The following KCNN1 variants were observed in gnomAD, a reference collection of about 807,000 sequenced individuals.
The protein encoded by KCNN1 is small conductance calcium-activated potassium channel protein 1.
Under a neutral mutation model 44.7 loss-of-function variants are expected in KCNN1, and 20 were observed. That is an observed-to-expected ratio of 0.45 (90% CI 0.32 to 0.65). The LOEUF is 0.65. Among genes scored for constraint, KCNN1 ranks in the 30% least tolerant of loss-of-function variants. The probability of loss-of-function intolerance (pLI) is 0.05; values close to 1 mark genes in which losing one functional copy is unlikely to be tolerated. For synonymous variants in KCNN1, 324 were observed against 341.7 expected (o/e 0.95, Z 0.57); for missense variants, 632 against 785.3 (o/e 0.80, Z 2.33).
At chr19:17,965,397 G>A (rs2031776634), upstream of KCNN1, among the ~76,000 whole-genome samples, 2 of 152,178 alleles carry the variant, frequency 1.3e-5, no homozygotes. Flanking sequence ...GGGTTGAGCT[G>A]TCAGGGGCCA....
chr19:17,996,622 A>G (rs2033002680), intron 9 of KCNN1, among the ~76,000 whole-genome samples: 3 of 152,194 alleles, frequency 2.0e-5, no homozygotes, highest in Non-Finnish European at 2.9e-5. Context: ...TAAAAATAAA[A>G]ATAAAAATTT....
rs768255505 is a variant in KCNN1 at position 17,974,120 on chromosome 19, G to A, written c.232G>A (p.Gly78Ser). The change falls in exon 2 of 10, where the codon GGC becomes AGC. Residue 78 changes from glycine (G) to serine (S), a missense_variant. By Grantham distance (56) the Gly-to-Ser change is moderately conservative. This residue lies in a region of KCNN1 where 235 missense variants were observed against 224.0 expected (regional missense o/e 1.05). Coordinates refer to ENST00000684775, the MANE Select transcript of KCNN1 (RefSeq NM_001386974.1). This position sits in a 1 kb window ranked among gnomAD's most constrained non-coding sequence, Gnocchi z 7.3. ...DDEDDEEDEA[G>S]RQRASGKPSN... ...CGAGGATGATGAGGAAGATGAGGCC[G>A]GCAGGCAGAGAGCCTCGGGGAAACC... The A allele has an allele frequency of 2.4e-5, 39 of 1,612,668 alleles. No homozygotes were observed. The highest frequency in any genetic ancestry group is 1.6e-4 in the Middle Eastern group (1 of 6,082).
At position 17,989,853 on chromosome 19, in the gene KCNN1, G is replaced by C; in HGVS notation, c.1298+10G>C. 6.2e-7 allele frequency: 1 copy of C among 1,612,170 alleles called. No individual in the cohort carries two copies. Among genetic ancestry groups the C allele is most frequent in the Non-Finnish European group, 8.5e-7 (1 of 1,179,032 alleles). Reference sequence around the variant, plus strand: ...TCCAAGCCATCCATCAGTAAGTCCAGCACCTTTCCAGCTCACGTTTCTGTG... The same window carrying C: ...TCCAAGCCATCCATCAGTAAGTCCACCACCTTTCCAGCTCACGTTTCTGTG... On this transcript the variant is annotated intron_variant, in intron 7 of 9. Transcript: ENST00000684775.
chr19:17,974,237 G>A lies in KCNN1; in HGVS notation c.349G>A (p.Gly117Ser). 1 of 1,609,294 alleles carries A rather than the reference G, an allele frequency of 6.2e-7. No homozygotes were observed. Among genetic ancestry groups the A allele is most frequent in the Non-Finnish European group, 8.5e-7 (1 of 1,176,912 alleles). ...CTATGCCCTCATTTTCGGCATGTTT[G>A]GCATCGTCGTCATGGTGACGGAGAC... ...SDYALIFGMF[G>S]IVVMVTETEL... Residue 117 changes from glycine to serine, a missense_variant, in exon 2 of 10, where the codon GGC (glycine) becomes AGC (serine). Gly to Ser is a moderately conservative substitution (Grantham distance 56). Transcript: ENST00000684775. The surrounding 1 kb of genome is among the most constrained non-coding windows in gnomAD (Gnocchi z 7.3).
Position 17,990,673 on chromosome 19 carries a change from G to A in KCNN1, c.1298+830G>A, listed in dbSNP as rs550548970. Among the ~76,000 whole-genome samples the A allele has an allele frequency of 2.3e-3, 348 of 150,646 alleles. 1 individual carries two copies. The highest frequency in any genetic ancestry group is 7.9e-3 in the African/African-American group (324 of 41,124). On this transcript the variant is annotated intron_variant, in intron 7 of 9. Coordinates refer to ENST00000684775, the MANE Select transcript of KCNN1 (RefSeq NM_001386974.1). ...AAATTAGCCGGGCGTGGTGGCGGAC[G>A]CCTGTAGTCCCAGCTACTCGGGAGG...
intron 1 of KCNN1, among the ~76,000 whole-genome samples, chr19:17,954,108 T>C (rs2031485335): frequency 6.6e-6 from 1 of 152,118 alleles, no homozygotes; most frequent in Non-Finnish European, 1.5e-5. Context: ...CAGGGCCCCA[T>C]TGGAGTGATA....
upstream of KCNN1, among the ~76,000 whole-genome samples, chr19:17,965,384 G>C (rs1242440698): frequency 2.0e-5 from 3 of 152,174 alleles, no homozygotes; most frequent in Non-Finnish European, 2.9e-5. Flanking sequence ...TCCTGCAAGG[G>C]CTGGGTTGAG....
intron 5 of KCNN1, among the ~76,000 whole-genome samples, chr19:17,987,059 A>T (rs1178451395): frequency 2.7e-5 from 4 of 146,314 alleles, no homozygotes; most frequent in African/African-American, 1.0e-4. Context: ...CACCTGCCTC[A>T]GCCTCCCAAG....
chr19:17,978,427 T>G (rs2032283596), intron 3 of KCNN1, among the ~76,000 whole-genome samples: 1 of 147,782 alleles, frequency 6.8e-6, no homozygotes, highest in East Asian at 2.0e-4. Flanking sequence ...CCAGCCTGTT[T>G]TTTTTTTTTT....
intron 2 of KCNN1, among the ~76,000 whole-genome samples, chr19:17,961,372 T>C (rs960965550): frequency 6.6e-6 from 1 of 151,442 alleles, no homozygotes; most frequent in African/African-American, 2.4e-5. Flanking sequence ...AGCCCAGGAA[T>C]ATGAGAGCAG....
At chr19:17,951,329 T>C (rs1384377551) in exon 1 of KCNN1, 1 of 152,286 alleles carries the variant, frequency 6.6e-6, no homozygotes, top group Non-Finnish European at 1.5e-5. Flanking sequence ...CCACGCTTTC[T>C]GTTGGAGGGG....
rs376087866 is a variant in KCNN1, at chr19:17,958,759, G to A, written c.-82+4078G>A. Among the ~76,000 whole-genome samples the A allele has an allele frequency of 4.0e-4, 60 of 151,346 alleles. No homozygotes were observed. In the South Asian group the frequency reaches 8.5e-3, roughly 21 times the overall value. ...GTCGCCCAGGCTGGAGTGCAGTGGC[G>A]CGATCTCGGCTCACTGCAAGTTCTG... On this transcript the variant is annotated intron_variant, in intron 2 of 10. Transcript: ENST00000222249.
chr19:17,977,635 C>A (rs138755638), intron 3 of KCNN1, among the ~76,000 whole-genome samples: 12 of 152,182 alleles, frequency 7.9e-5, no homozygotes, highest in African/African-American at 2.6e-4. Context: ...CAGGCGTGAG[C>A]CACTATGCCT....
chr19:17,972,339 T>C (rs1336692292), intron 1 of KCNN1, among the ~76,000 whole-genome samples: 2 of 152,142 alleles, frequency 1.3e-5, no homozygotes, highest in Non-Finnish European at 2.9e-5. Flanking sequence ...ATGATGACTA[T>C]GTCACCATCA....
At chr19:17,961,729 C>T (rs961400171) in intron 2 of KCNN1, among the ~76,000 whole-genome samples, 3 of 151,988 alleles carry the variant, frequency 2.0e-5, no homozygotes, top group Non-Finnish European at 2.9e-5. Context: ...ATTACAGGCG[C>T]GTGCTACCAT....
intron 1 of KCNN1, among the ~76,000 whole-genome samples, chr19:17,971,551 C>T (rs1431661582): frequency 6.6e-6 from 1 of 152,072 alleles, no homozygotes; most frequent in Non-Finnish European, 1.5e-5. Context: ...CAACCTCCGC[C>T]TCCCGGGTTC....
rs767036865 is a variant in KCNN1, at chr19:17,974,196, G to A, written c.308G>A (p.Arg103Gln). The part of the protein sequence containing the change: ...LGHRRALFEK[R>Q]KRLSDYALIF... ...CACCGGCGGGCGCTCTTCGAGAAGC[G>A]GAAGCGCCTCAGCGACTATGCCCTC... Residue 103 changes from arginine to glutamine, a missense_variant, in exon 2 of 10, where the codon CGG (arginine) becomes CAG (glutamine). Around this residue, in one of 3 missense-constraint regions of KCNN1, gnomAD observed 235 missense variants for 224.0 expected, o/e 1.05. Transcript: ENST00000684775. The surrounding 1 kb of genome is among the most constrained non-coding windows in gnomAD (Gnocchi z 7.3). 6.2e-6 allele frequency: 10 copies of A among 1,613,136 alleles called. No homozygotes were observed. Among genetic ancestry groups the A allele is most frequent in the Admixed American group, 3.3e-5 (2 of 59,966 alleles).
At chr19:17,982,459 G>A (rs1025490368) in intron 4 of KCNN1, 15 of 738,980 alleles carry the variant, frequency 2.0e-5, no homozygotes, top group Non-Finnish European at 2.5e-5. Context: ...CTCTGGCCCC[G>A]GGGGGCGCAG....
At chr19:17,982,360 C>T (rs183392215) in intron 4 of KCNN1, among the ~76,000 whole-genome samples, 4 of 151,984 alleles carry the variant, frequency 2.6e-5, no homozygotes, top group Non-Finnish European at 5.9e-5. Context: ...AGGGAGGGAC[C>T]CCAGCTCCCT....
Sources: gnomAD v4.1 joint callset for allele counts (sites outside exome capture counted in the v4.1 genomes callset) on GRCh38, gnomAD v4.1.1 for gene constraint, gnomAD v4.1.1 regional missense constraint, Gnocchi (gnomAD v3.1) non-coding constraint, MANE v1.5 for transcripts, NCBI Gene and HGNC (gene_info 2026-07-23, HGNC 2026-07-21) for gene names.